BAX: variants seen among roughly 807,000 people sequenced by gnomAD.
BAX encodes apoptosis regulator BAX.
Under a neutral mutation model 26.8 loss-of-function variants are expected in BAX, and 21 were observed. The observed-to-expected ratio is 0.78, with a 90% CI of 0.56 to 1.13. The LOEUF (loss-of-function observed/expected upper bound fraction) is 1.13, where lower values mean the gene tolerates loss of function less well. Among genes scored for constraint, BAX ranks in the 50% most tolerant of loss-of-function variants. The pLI is 0.00. For missense variants in BAX, 236 were observed against 254.6 expected (o/e 0.93, Z 0.50); for synonymous variants, 110 against 101.8 (o/e 1.08, Z -0.49).
chr19:48,959,349 CAAAAAA>C (rs71179067), intron 4 of BAX, among the ~76,000 whole-genome samples: 1 of 73,052 alleles, frequency 1.4e-5, no homozygotes, highest in Non-Finnish European at 2.5e-5. Flanking sequence ...GACTCCGTCT[CAAAAAA>C]AAAAAAAAAA....
intron 5 of BAX, 65 bp downstream of exon 5, chr19:48,960,979 C>T (rs1431136700): frequency 1.9e-6 from 3 of 1,612,320 alleles, no homozygotes; most frequent in Non-Finnish European, 1.7e-6. Context: ...GCCCCACCGT[C>T]CCTGCCCCCC....
At chr19:48,960,187 TA>T in intron 4 of BAX, 3 of 424,282 alleles carry the variant, frequency 7.1e-6, no homozygotes, top group Middle Eastern at 7.4e-4. Flanking sequence ...TTTACAATTT[TA>T]TTTTTTTTAT....
At chr19:48,961,494 G>C in intron 5 of BAX, 38 bp from the exon 6 acceptor site, 1 of 1,537,630 alleles carries the variant, frequency 6.5e-7, no homozygotes, top group Non-Finnish European at 8.9e-7. Flanking sequence ...GGCTGCCCCT[G>C]GCCGAGTCAC....
chr19:48,958,261 G>A (rs1395280620), intron 4 of BAX, among the ~76,000 whole-genome samples: 1 of 150,844 alleles, frequency 6.6e-6, no homozygotes, highest in Non-Finnish European at 1.5e-5. Flanking sequence ...ACTAACTGTT[G>A]CATTAGTCTT....
chr19:48,956,819 C>CTTTTT (rs56251427), intron 4 of BAX, among the ~76,000 whole-genome samples: 231 of 87,304 alleles, frequency 2.6e-3, no homozygotes, highest in African/African-American at 8.4e-3. Context: ...TTATCCCTGG[C>CTTTTT]TTTTTTTTTT....
chr19:48,961,340 G>C (rs2038352734), intron 5 of BAX, 192 bp from the exon 6 acceptor site: 4 of 1,313,166 alleles, frequency 3.0e-6, no homozygotes, highest in Non-Finnish European at 4.1e-6. Flanking sequence ...TCCCGCCTCA[G>C]CCTCTCAAAG....
In BAX at chr19:48,956,312, T is replaced by C; in HGVS notation, c.348T>C (p.Phe116=). The C allele has an allele frequency of 6.3e-7, 1 of 1,578,448 alleles. No homozygotes were observed. Among genetic ancestry groups the C allele is most frequent in the Admixed American group, 1.9e-5 (1 of 53,504 alleles). The change falls in exon 4 of 6, where the codon TTT becomes TTC. Residue 116 remains phenylalanine, a synonymous_variant. Coordinates refer to ENST00000345358, the MANE Select transcript of BAX (RefSeq NM_138761.4). ...GCCGGGTTGTCGCCCTTTTCTACTT[T>C]GCCAGCAAACTGGTGCTCAAGGTGG... The part of the protein sequence containing the change: ...NWGRVVALFY[F]ASKLVLKALC...
chr19:48,960,673 T>G, intron 4 of BAX, 137 bp from the exon 5 acceptor site: 1 of 819,372 alleles, frequency 1.2e-6, no homozygotes, highest in Non-Finnish European at 1.9e-6. Context: ...ATGTTTACAA[T>G]TTTTGAAGCC....
At chr19:48,960,211 T>A (rs1568608000) in intron 4 of BAX, 1 of 445,964 alleles carries the variant, frequency 2.2e-6, no homozygotes, top group Admixed American at 2.4e-5. Flanking sequence ...ATTTATTTTT[T>A]GAGACGGATT....
chr19:48,961,557 C>A lies in BAX; in HGVS notation c.500C>A (p.Thr167Lys), dbSNP rs369285586. The A allele has an allele frequency of 1.2e-5, 19 of 1,610,736 alleles. No homozygotes were observed. The highest frequency in any genetic ancestry group is 1.5e-5 in the Non-Finnish European group (18 of 1,178,618). The change falls in exon 6 of 6, where the codon ACG (threonine) becomes AAG (lysine). Residue 167 changes from threonine to lysine, a missense_variant. Physicochemically the swap from Thr to Lys is moderately conservative, Grantham distance 78. Coordinates refer to ENST00000345358, the MANE Select transcript of BAX (RefSeq NM_138761.4). Reference sequence around the variant, plus strand: ...GACGGCCTCCTCTCCTACTTTGGGACGCCCACGTGGCAGACCGTGACCATC... The same window carrying A: ...GACGGCCTCCTCTCCTACTTTGGGAAGCCCACGTGGCAGACCGTGACCATC... ...GWDGLLSYFG[T>K]PTWQTVTIFV...
At chr19:48,961,184 C>A in intron 5 of BAX, 1 of 1,508,984 alleles carries the variant, frequency 6.6e-7, no homozygotes, top group South Asian at 1.3e-5. Context: ...TTCTGCCCTC[C>A]CTGGAGCCTC....
At chr19:48,959,367 A>G (rs911018970) in intron 4 of BAX, among the ~76,000 whole-genome samples, 15 of 150,786 alleles carry the variant, frequency 9.9e-5, no homozygotes, top group Non-Finnish European at 1.6e-4. Context: ...AAAAAAAAAA[A>G]AAAAGAAAAG....
At chr19:48,959,349 CAAAAAAAA>C (rs71179067) in intron 4 of BAX, among the ~76,000 whole-genome samples, 1 of 73,054 alleles carries the variant, frequency 1.4e-5, no homozygotes. Flanking sequence ...GACTCCGTCT[CAAAAAAAA>C]AAAAAAAAAA....
Position 48,959,349 on chromosome 19 carries a change from C to CA in BAX, c.370-1439dup, listed in dbSNP as rs71179067. 3.0e-3 allele frequency among the ~76,000 whole-genome samples: 220 copies of CA among 72,954 alleles called. 4 individuals carry two copies. Among genetic ancestry groups the CA allele is most frequent in the South Asian group, 0.019 (37 of 1,914 alleles). 47.9% of individuals were successfully genotyped at this position (72,954 alleles called of 152,430 possible). A position where few individuals can be genotyped will look rare whatever the true frequency, so the allele number is the denominator to read the frequency against. On this transcript the variant is annotated intron_variant, in intron 4 of 5. Coordinates refer to ENST00000345358, the MANE Select transcript of BAX (RefSeq NM_138761.4). ...GGAGCGACAGAGTGAGACTCCGTCT[C>CA]AAAAAAAAAAAAAAAAAAAAAAGAA...
At chr19:48,960,725 A>C in intron 4 of BAX, 85 bp from the exon 5 acceptor site, 1 of 1,202,300 alleles carries the variant, frequency 8.3e-7, no homozygotes, top group Non-Finnish European at 1.2e-6. Context: ...GGGGAGGCAA[A>C]GAATTGACAA....
chr19:48,958,685 C>T (rs1412817800), intron 4 of BAX, among the ~76,000 whole-genome samples: 1 of 151,938 alleles, frequency 6.6e-6, no homozygotes. Context: ...CTTGGGATTA[C>T]AGGCGTCCGC....
intron 1 of BAX, 25 bp downstream of exon 1, chr19:48,954,987 G>C: frequency 8.1e-7 from 1 of 1,239,624 alleles, no homozygotes. Context: ...AGACGGGCGG[G>C]AGGAGGGCGA....
Position 48,960,801 on chromosome 19 carries a change from T to A in BAX, c.370-9T>A. On this transcript the variant is annotated splice_polypyrimidine_tract_variant and intron_variant, in intron 4 of 5. Coordinates refer to ENST00000345358, the MANE Select transcript of BAX (RefSeq NM_138761.4). ...GTTCAGTCCCTAACGCCCACTCCACTCCCCACAGGCCCTGTGCACCAAGGT... is the reference window on the plus strand; with the variant it reads ...GTTCAGTCCCTAACGCCCACTCCACACCCCACAGGCCCTGTGCACCAAGGT... 2 of 1,600,510 alleles carry A rather than the reference T, an allele frequency of 1.2e-6. No individual in the cohort carries two copies. The highest frequency in any genetic ancestry group is 2.7e-5 in the African/African-American group (2 of 74,794).
chr19:48,957,318 A>G (rs2038181496), intron 4 of BAX, among the ~76,000 whole-genome samples: 1 of 104,256 alleles, frequency 9.6e-6, no homozygotes, highest in Non-Finnish European at 1.7e-5. Flanking sequence ...TTTGTTGCCC[A>G]GGCTGGAGTG....
Sources: allele counts gnomAD v4.1 joint callset (sites outside exome capture counted in the v4.1 genomes callset), GRCh38; gene constraint gnomAD v4.1.1; transcripts MANE v1.5; gene names NCBI Gene and HGNC (gene_info 2026-07-23, HGNC 2026-07-21).